IL7R: variants seen among roughly 807,000 people sequenced by gnomAD.
The protein encoded by IL7R is interleukin-7 receptor subunit alpha.
Under a neutral mutation model 47.0 loss-of-function variants are expected in IL7R, and 38 were observed. That is an observed-to-expected ratio of 0.81 (90% CI 0.62 to 1.06). The LOEUF is 1.06. Among genes scored for constraint, IL7R ranks in the 50% least tolerant of loss-of-function variants. IL7R has a pLI of 0.00. For missense variants in IL7R, 633 were observed against 534.8 expected, an observed-to-expected ratio of 1.18 and a Z score of -1.81; for synonymous variants, 221 against 199.8, an observed-to-expected ratio of 1.11 and a Z score of -0.89.
Position 35,860,948 on chromosome 5 carries a change from A to G in IL7R, c.179A>G (p.Glu60Gly). ...CAGCACTCACTGACCTGTGCTTTTG[A>G]GGACCCAGATGTCAACATCACCAAT... ...GSQHSLTCAFEDPDVNITNLE... is the reference protein window; with the variant it reads ...GSQHSLTCAFGDPDVNITNLE... Residue 60 changes from glutamate (E) to glycine (G), a missense_variant, in exon 2 of 8, where the codon GAG (glutamate) becomes GGG (glycine). Coordinates refer to ENST00000303115, the MANE Select transcript of IL7R (RefSeq NM_002185.5). 6.2e-7 allele frequency: 1 copy of G among 1,613,702 alleles called. No individual in the cohort carries two copies. The highest frequency in any genetic ancestry group is 8.5e-7 in the Non-Finnish European group (1 of 1,179,666).
At chr5:35,867,160 C>T in intron 2 of IL7R, 146 bp from the exon 3 acceptor site, 1 of 659,618 alleles carries the variant, frequency 1.5e-6, no homozygotes, top group East Asian at 2.7e-5. Flanking sequence ...CATTATCTCT[C>T]ATTCCTGAAC....
At chr5:35,873,188 A>C (rs1760116495) in intron 4 of IL7R, 1 of 427,098 alleles carries the variant, frequency 2.3e-6, no homozygotes, top group South Asian at 2.4e-5. Context: ...AGAGAAAAGA[A>C]GAAGATATTG....
chr5:35,876,449 C>G lies in IL7R; in HGVS notation c.1343C>G (p.Ala448Gly), dbSNP rs1580865043. Residue 448 changes from alanine (A) to glycine (G), a missense_variant, in exon 8 of 8, where the codon GCA becomes GGA. Physicochemically the swap from Ala to Gly is moderately conservative, Grantham distance 60 (BLOSUM62 0). Transcript: ENST00000303115. ...TCCCTGGGATCAAATCAAGAAGAAG[C>G]ATATGTCACCATGTCCAGCTTCTAC... ...LTSLGSNQEE[A>G]YVTMSSFYQN... 1 of 1,606,140 alleles carries G rather than the reference C, an allele frequency of 6.2e-7. No individual in the cohort carries two copies.
At chr5:35,873,413 T>G in intron 4 of IL7R, 67 bp from the exon 5 acceptor site, 1 of 1,306,324 alleles carries the variant, frequency 7.7e-7, no homozygotes, top group South Asian at 1.2e-5. Context: ...CCAATTGAAA[T>G]GATTTGGGAG....
chr5:35,878,856 A>G lies in IL7R; in HGVS notation c.*2370A>G. 4.3e-6 allele frequency: 1 copy of G among 233,086 alleles called. No individual in the cohort carries two copies. 14.4% of individuals were successfully genotyped at this position (233,086 alleles called of 1,614,324 possible). A position where few individuals can be genotyped will look rare whatever the true frequency, so the allele number is the denominator to read the frequency against. On this transcript the variant is annotated 3_prime_UTR_variant, in exon 8 of 8. Transcript: ENST00000303115. The stretch of plus-strand genomic sequence containing the variant: ...AATGAAGAGATGACCATAGAAAAAC[A>G]TCGAGATATCTCCAGCTCTAAAATC...
At chr5:35,870,410 T>C (rs1259164710) in intron 3 of IL7R, among the ~76,000 whole-genome samples, 1 of 152,200 alleles carries the variant, frequency 6.6e-6, no homozygotes, top group Admixed American at 6.5e-5. Flanking sequence ...AGGGCCAGGA[T>C]GCAGACCCTT....
rs1193803606 is a variant in IL7R, at chr5:35,856,984, A to G, written c.7A>G (p.Ile3Val). ...TCTCTCTATCTCTCTCAGAATGACAATTCTAGGTACAACTTTTGGCATGGT... is the reference window on the plus strand; with the variant it reads ...TCTCTCTATCTCTCTCAGAATGACAGTTCTAGGTACAACTTTTGGCATGGT... MT[I>V]LGTTFGMVFS... Residue 3 changes from isoleucine to valine, a missense_variant, in exon 1 of 8, where the codon ATT becomes GTT. Coordinates refer to ENST00000303115, the MANE Select transcript of IL7R (RefSeq NM_002185.5). 1.3e-6 allele frequency: 2 copies of G among 1,592,780 alleles called. No individual in the cohort carries two copies. Among genetic ancestry groups the G allele is most frequent in the South Asian group, 1.1e-5 (1 of 90,666 alleles).
intron 5 of IL7R, 64 bp downstream of exon 5, chr5:35,873,712 A>G: frequency 6.8e-7 from 1 of 1,463,508 alleles, no homozygotes; most frequent in Non-Finnish European, 9.6e-7. Context: ...TGTGGGAGCA[A>G]GTGAGAGGAA....
intron 2 of IL7R, among the ~76,000 whole-genome samples, chr5:35,864,543 T>C (rs1759892940): frequency 6.6e-6 from 1 of 152,150 alleles, no homozygotes; most frequent in African/African-American, 2.4e-5. Flanking sequence ...TTTGGGATAG[T>C]ATCTCGTTAG....
chr5:35,863,234 A>T (rs895709681), intron 2 of IL7R, among the ~76,000 whole-genome samples: 1 of 152,162 alleles, frequency 6.6e-6, no homozygotes. Context: ...ACATTTAGCC[A>T]GTTAATTAAC....
In IL7R at chr5:35,860,873, T is replaced by G. The variant is rs35967524; in HGVS notation, c.104T>G (p.Leu35Arg). The G allele has an allele frequency of 6.2e-7, 1 of 1,613,672 alleles. No individual in the cohort carries two copies. Among genetic ancestry groups the G allele is most frequent in the Admixed American group, 1.7e-5 (1 of 59,990 alleles). Residue 35 changes from leucine (L) to arginine (R), a missense_variant, in exon 2 of 8, where the codon CTG becomes CGG. Transcript: ENST00000303115. The part of the protein sequence containing the change: ...AQNGDLEDAE[L>R]DDYSFSCYSQ... ...CCAGGAGACTTGGAAGATGCAGAAC[T>G]GGATGACTACTCATTCTCATGCTAT... is the stretch of plus-strand genomic sequence containing the variant.
chr5:35,861,308 C>T (rs1311133466), intron 2 of IL7R, among the ~76,000 whole-genome samples: 1 of 152,086 alleles, frequency 6.6e-6, no homozygotes, highest in Non-Finnish European at 1.5e-5. Context: ...AATCTGTTTG[C>T]CCAACACGAG....
chr5:35,876,592 A>C lies in IL7R; in HGVS notation c.*106A>C. On this transcript the variant is annotated 3_prime_UTR_variant, in exon 8 of 8. Coordinates refer to ENST00000303115, the MANE Select transcript of IL7R (RefSeq NM_002185.5). ...ACAGCACAGAGAAGACAAAATTAGC[A>C]AAACCCCACTACACAGTCTGCAAGA... 1 of 1,190,188 alleles carries C rather than the reference A, an allele frequency of 8.4e-7. No individual in the cohort carries two copies. The highest frequency in any genetic ancestry group is 1.2e-6 in the Non-Finnish European group (1 of 821,104). The allele number at this position is 1,190,188 out of a possible 1,614,324, so 73.7% of individuals were successfully genotyped here. A position where few individuals can be genotyped will look rare whatever the true frequency, so the allele number is the denominator to read the frequency against.
chr5:35,875,915 T>C lies in IL7R; in HGVS notation c.877-68T>C. The C allele has an allele frequency of 2.6e-6, 4 of 1,544,398 alleles. 1 individual carries two copies. The highest frequency in any genetic ancestry group is 2.2e-5 in the South Asian group (2 of 89,366). ...TCAGAAAACTCTATAGACCTACTCC[T>C]GAACTGAACATTTGATGGTGTGTCT... On this transcript the variant is annotated intron_variant, in intron 7 of 7. Coordinates refer to ENST00000303115, the MANE Select transcript of IL7R (RefSeq NM_002185.5).
intron 1 of IL7R, among the ~76,000 whole-genome samples, chr5:35,860,129 C>T (rs536712070): frequency 1.3e-5 from 2 of 151,908 alleles, no homozygotes; most frequent in South Asian, 2.1e-4. Context: ...CTATCAGATA[C>T]TGCGTCTATA....
chr5:35,861,973 CCA>C (rs1466342177), intron 2 of IL7R, among the ~76,000 whole-genome samples: 1 of 152,130 alleles, frequency 6.6e-6, no homozygotes, highest in Non-Finnish European at 1.5e-5. Context: ...AGACAATTCT[CCA>C]CAGTCTATAG....
chr5:35,866,533 A>G (rs910152648), intron 2 of IL7R, among the ~76,000 whole-genome samples: 1 of 152,072 alleles, frequency 6.6e-6, no homozygotes, highest in Non-Finnish European at 1.5e-5. Context: ...TCAAGCATAG[A>G]GTTTTCTTTG....
chr5:35,857,595 T>G (rs553461615), intron 1 of IL7R, among the ~76,000 whole-genome samples: 6 of 152,188 alleles, frequency 3.9e-5, no homozygotes, highest in African/African-American at 1.4e-4. Context: ...AATACTTTAG[T>G]TTTGAGAGAT....
chr5:35,876,132 G>T lies in IL7R; in HGVS notation c.1026G>T (p.Gly342=), dbSNP rs201058934. 1 of 1,613,990 alleles carries T rather than the reference G, an allele frequency of 6.2e-7. No homozygotes were observed. ...AATCTGAGAAGCAGAGGCTTGGAGG[G>T]GATGTGCAGAGCCCCAACTGCCCAT... ...LEESEKQRLG[G]DVQSPNCPSE... Residue 342 remains glycine, a synonymous_variant, in exon 8 of 8, where the codon GGG becomes GGT. Coordinates refer to ENST00000303115, the MANE Select transcript of IL7R (RefSeq NM_002185.5).
Sources: allele counts gnomAD v4.1 joint callset (sites outside exome capture counted in the v4.1 genomes callset), GRCh38; gene constraint gnomAD v4.1.1; transcripts MANE v1.5; gene names NCBI Gene and HGNC (gene_info 2026-07-23, HGNC 2026-07-21).